The following ZNF83 variants were observed in gnomAD, a reference collection of about 807,000 sequenced individuals.
The protein encoded by ZNF83 is zinc finger protein 83, also known as zinc finger protein 816B.
For missense variants in ZNF83, 552 were observed against 629.9 expected (o/e 0.88, Z 1.32); for synonymous variants, 209 against 213.0 (o/e 0.98, Z 0.17).
chr19:52,649,145 T>A (rs2061411644), intron 3 of ZNF83, among the ~76,000 whole-genome samples: 1 of 152,024 alleles, frequency 6.6e-6, no homozygotes, highest in Admixed American at 6.6e-5. Context: ...AGTGGTTTTT[T>A]TGTCTTCCTG....
intron 1 of ZNF83, among the ~76,000 whole-genome samples, chr19:52,677,136 GAA>G (rs71183825): frequency 1.4e-5 from 2 of 143,626 alleles, no homozygotes; most frequent in Non-Finnish European, 3.0e-5. Context: ...AAAAAAAAAA[GAA>G]AAAAAGAAAA....
At chr19:52,629,829 TAAATA>T (rs2060885835) in intron 2 of ZNF83, among the ~76,000 whole-genome samples, 1 of 152,152 alleles carries the variant, frequency 6.6e-6, no homozygotes, top group East Asian at 1.9e-4. Flanking sequence ...CTCCCGACAT[TAAATA>T]AAACTCCAAA....
chr19:52,647,331 T>C (rs566283877), intron 3 of ZNF83, among the ~76,000 whole-genome samples: 2 of 152,194 alleles, frequency 1.3e-5, no homozygotes, highest in East Asian at 3.8e-4. Context: ...AATTTATTTA[T>C]TATATACACA....
At chr19:52,652,975 C>A in intron 3 of ZNF83, 1 of 1,301,640 alleles carries the variant, frequency 7.7e-7, no homozygotes. Context: ...CTCATTACAC[C>A]TGTAAGGTTT....
At chr19:52,647,426 G>A (rs929220066) in intron 3 of ZNF83, among the ~76,000 whole-genome samples, 5 of 152,214 alleles carry the variant, frequency 3.3e-5, no homozygotes, top group East Asian at 1.9e-4. Flanking sequence ...GAGTACAGGT[G>A]TGCACCATCA....
At chr19:52,657,044 GA>G (rs2061515202) in intron 2 of ZNF83, among the ~76,000 whole-genome samples, 2 of 151,736 alleles carry the variant, frequency 1.3e-5, no homozygotes, top group African/African-American at 4.8e-5. Flanking sequence ...TGAGCCTGGA[GA>G]GCAGAGTTTG....
At chr19:52,654,625 G>T in intron 3 of ZNF83, among the ~76,000 whole-genome samples, 1 of 152,254 alleles carries the variant, frequency 6.6e-6, no homozygotes, top group Middle Eastern at 3.4e-3. Flanking sequence ...GCTGAGGCAG[G>T]AGAATTTCTT....
Position 52,673,519 on chromosome 19 carries a change from C to A in ZNF83, c.-282-12676G>T, listed in dbSNP as rs563811670. ...ACTCCATCACACACACACACACACA[C>A]AAAATGCTATAAACAGAACATCAGA... is the stretch of plus-strand genomic sequence containing the variant. On this transcript the variant is annotated intron_variant, in intron 1 of 5. Coordinates refer to the ZNF83 transcript ENST00000594682. 4.6e-5 allele frequency among the ~76,000 whole-genome samples: 7 copies of A among 151,842 alleles called. No individual in the cohort carries two copies. In the South Asian group the frequency reaches 1.2e-3, roughly 27 times the overall value.
chr19:52,649,834 G>A (rs926399360), intron 3 of ZNF83, among the ~76,000 whole-genome samples: 13 of 152,132 alleles, frequency 8.5e-5, no homozygotes, highest in Admixed American at 3.3e-4. Context: ...CAGTCTATAC[G>A]GGAATTCTTA....
chr19:52,678,731 TG>T (rs1325955502), intron 1 of ZNF83, among the ~76,000 whole-genome samples: 3 of 152,070 alleles, frequency 2.0e-5, no homozygotes, highest in African/African-American at 7.3e-5. Flanking sequence ...CCCAGTACTT[TG>T]GGAGACCAAG....
At chr19:52,684,765 A>G (rs572861228) in intron 1 of ZNF83, among the ~76,000 whole-genome samples, 1 of 152,066 alleles carries the variant, frequency 6.6e-6, no homozygotes, top group African/African-American at 2.4e-5. Flanking sequence ...AGGGACAATG[A>G]CCTGAGACAG....
intron 1 of ZNF83, among the ~76,000 whole-genome samples, chr19:52,673,533 CAG>C (rs1361853875): frequency 2.0e-5 from 3 of 151,736 alleles, no homozygotes; most frequent in African/African-American, 7.3e-5. Context: ...ATGCTATAAA[CAG>C]AACATCAGAA....
At chr19:52,677,869 T>TA (rs909092792) in intron 1 of ZNF83, among the ~76,000 whole-genome samples, 2 of 151,500 alleles carry the variant, frequency 1.3e-5, no homozygotes, top group East Asian at 1.9e-4. Flanking sequence ...CCATCTCTAC[T>TA]AAAAAAATAC....
intron 1 of ZNF83, among the ~76,000 whole-genome samples, chr19:52,667,831 G>C (rs1228114052): frequency 6.6e-6 from 1 of 152,070 alleles, no homozygotes; most frequent in South Asian, 2.1e-4. Flanking sequence ...TGTCTACAAG[G>C]TTTTATTAAA....
chr19:52,652,669 T>C (rs2061457359), intron 3 of ZNF83: 2 of 567,398 alleles, frequency 3.5e-6, no homozygotes, highest in African/African-American at 3.8e-5. Context: ...ATGGATTCTC[T>C]AATGATTTGC....
chr19:52,670,916 G>C (rs1442990325), intron 1 of ZNF83, among the ~76,000 whole-genome samples: 1 of 152,164 alleles, frequency 6.6e-6, no homozygotes, highest in Non-Finnish European at 1.5e-5. Context: ...AAAGATGTTG[G>C]AGACCAAGGT....
At chr19:52,684,517 C>T (rs988506838) in intron 1 of ZNF83, among the ~76,000 whole-genome samples, 19 of 139,108 alleles carry the variant, frequency 1.4e-4, no homozygotes, top group Admixed American at 1.0e-3. Context: ...AGAGTGCACT[C>T]ATAGTTTGGA....
At chr19:52,638,151 C>G (rs2061215870) in intron 1 of ZNF83, among the ~76,000 whole-genome samples, 161 bp downstream of exon 1, 1 of 152,232 alleles carries the variant, frequency 6.6e-6, no homozygotes, top group Non-Finnish European at 1.5e-5. Flanking sequence ...CGACTTTAAA[C>G]CCAAAAGGAA....
intron 1 of ZNF83, among the ~76,000 whole-genome samples, chr19:52,665,482 T>C (rs2061637718): frequency 6.6e-6 from 1 of 152,232 alleles, no homozygotes; most frequent in Non-Finnish European, 1.5e-5. Flanking sequence ...GTTCCTTACA[T>C]TTGTTATTTT....
Sources: gnomAD v4.1 joint callset for allele counts (sites outside exome capture counted in the v4.1 genomes callset) on GRCh38, gnomAD v4.1.1 for gene constraint, MANE v1.5 for transcripts, NCBI Gene and HGNC (gene_info 2026-07-23, HGNC 2026-07-21) for gene names.